MBNL1: variants seen among roughly 807,000 people sequenced by gnomAD.
The protein encoded by MBNL1 is muscleblind like splicing regulator 1.
A neutral mutation model predicts 42.2 loss-of-function variants in MBNL1; 8 were observed. The ratio of observed to expected loss-of-function variants is 0.19; its 90% CI spans 0.11 to 0.34. The LOEUF (loss-of-function observed/expected upper bound fraction) is 0.34. Ranked by LOEUF, MBNL1 falls within the 10% of genes least tolerant of loss-of-function variation. The pLI is 1.00. For synonymous variants in MBNL1, 169 were observed against 173.9 expected, an observed-to-expected ratio of 0.97 and a Z score of 0.22; for missense variants, 309 against 495.3, an observed-to-expected ratio of 0.62 and a Z score of 3.57.
chr3:152,269,349 G>C, intron 1 of MBNL1: 1 of 350,706 alleles, frequency 2.9e-6, no homozygotes, highest in South Asian at 2.1e-5. Flanking sequence ...CACAGCCCGC[G>C]CACGGCTTGG....
intron 2 of MBNL1, among the ~76,000 whole-genome samples, chr3:152,245,608 C>A (rs1395553734): frequency 6.6e-6 from 1 of 152,292 alleles, no homozygotes; most frequent in African/African-American, 2.4e-5. Flanking sequence ...ACTATCCCAT[C>A]AATTAATAGA....
At chr3:152,251,039 G>A (rs921159328) in intron 2 of MBNL1, among the ~76,000 whole-genome samples, 9 of 151,958 alleles carry the variant, frequency 5.9e-5, no homozygotes, top group South Asian at 2.1e-4. Context: ...TTCAATATAC[G>A]CAAATCAATA....
At chr3:152,257,068 A>G (rs926075418) in intron 2 of MBNL1, among the ~76,000 whole-genome samples, 2 of 152,164 alleles carry the variant, frequency 1.3e-5, no homozygotes, top group Non-Finnish European at 2.9e-5. Flanking sequence ...AATGCATTCT[A>G]TCTTATCATG....
intron 3 of MBNL1, among the ~76,000 whole-genome samples, chr3:152,422,953 T>C (rs1347701947): frequency 6.6e-6 from 1 of 152,200 alleles, no homozygotes; most frequent in Non-Finnish European, 1.5e-5. Flanking sequence ...AAGCAGTGTT[T>C]ACAGGGAAAT....
intron 2 of MBNL1, among the ~76,000 whole-genome samples, chr3:152,327,126 G>A (rs996619058): frequency 6.6e-6 from 1 of 151,772 alleles, no homozygotes; most frequent in Non-Finnish European, 1.5e-5. Context: ...TATTTGAATT[G>A]CTTCTCCTAA....
chr3:152,375,792 C>T (rs746635063), intron 2 of MBNL1, among the ~76,000 whole-genome samples: 20 of 150,246 alleles, frequency 1.3e-4, no homozygotes, highest in Admixed American at 6.0e-4. Context: ...ACACTCCAGC[C>T]GGGGTGATGG....
At chr3:152,311,273 C>T (rs915622749) in intron 2 of MBNL1, among the ~76,000 whole-genome samples, 1 of 152,102 alleles carries the variant, frequency 6.6e-6, no homozygotes, top group African/African-American at 2.4e-5. Context: ...TCCCAAAGTG[C>T]TGGGATTACA....
rs566532163 is a variant in MBNL1 at position 152,346,383 on chromosome 3, TCATACCTTTCA to T, written c.174+46021_174+46031del. ...TCGTTTATTTATATTCCTTAAATAT[TCATACCTTTCA>T]CATAAGTGAGATACATTATTTTTAA... On this transcript the variant is annotated intron_variant, in intron 2 of 9. Coordinates refer to ENST00000324210, the MANE Select transcript of MBNL1 (RefSeq NM_021038.5). Among the ~76,000 whole-genome samples, 32 of 152,270 alleles carry T rather than the reference TCATACCTTTCA, an allele frequency of 2.1e-4. No individual in the cohort carries two copies. In the South Asian group the frequency reaches 6.4e-3, roughly 31 times the overall value.
intron 2 of MBNL1, among the ~76,000 whole-genome samples, chr3:152,380,594 T>C (rs78479288): frequency 0.036 from 5,510 of 152,220 alleles, 135 homozygotes; most frequent in Non-Finnish European, 0.055. Context: ...CAGAGTATTT[T>C]GAGCTCAGAG....
intron 1 of MBNL1, among the ~76,000 whole-genome samples, chr3:152,275,967 A>G (rs773713502): frequency 2.0e-5 from 3 of 152,094 alleles, no homozygotes; most frequent in Non-Finnish European, 2.9e-5. Context: ...AATCTGTGAC[A>G]TTATAAAGGT....
At chr3:152,323,304 TATTC>T (rs1166782519) in intron 2 of MBNL1, among the ~76,000 whole-genome samples, 1 of 152,110 alleles carries the variant, frequency 6.6e-6, no homozygotes, top group African/African-American at 2.4e-5. Context: ...TAACTAGACT[TATTC>T]ATTCAACAAT....
intron 4 of MBNL1, among the ~76,000 whole-genome samples, chr3:152,443,856 T>C (rs1361231468): frequency 1.3e-5 from 2 of 152,196 alleles, no homozygotes; most frequent in African/African-American, 2.4e-5. Flanking sequence ...CACAAAACTT[T>C]AGCTAGGTTG....
rs1021708221 is a variant in MBNL1, at chr3:152,465,081, C to T, written c.*2715C>T. On this transcript the variant is annotated 3_prime_UTR_variant, in exon 10 of 10. Transcript: ENST00000324210. ...AAACCCTCATGACTGACAAAAACTC[C>T]ATGGGGCCAAATCTGCCTGAAGATC... is the stretch of plus-strand genomic sequence containing the variant. 1 of 152,498 alleles carries T rather than the reference C, an allele frequency of 6.6e-6. No individual in the cohort carries two copies. The allele number at this position is 152,498 out of a possible 1,614,324, so 9.4% of individuals were successfully genotyped here. A position where few individuals can be genotyped will look rare whatever the true frequency, so the allele number is the denominator to read the frequency against.
chr3:152,362,656 AAC>A (rs1273367733), intron 2 of MBNL1, among the ~76,000 whole-genome samples: 1 of 152,130 alleles, frequency 6.6e-6, no homozygotes, highest in Non-Finnish European at 1.5e-5. Context: ...ACCTGCTAGT[AAC>A]AGTTTTCCCC....
chr3:152,304,196 A>C (rs2061890602), intron 2 of MBNL1, among the ~76,000 whole-genome samples: 1 of 143,756 alleles, frequency 7.0e-6, no homozygotes, highest in Non-Finnish European at 1.6e-5. Flanking sequence ...AAAATCAGTA[A>C]GGCAAACAAG....
At chr3:152,282,127 A>G (rs2048861338) in intron 1 of MBNL1, among the ~76,000 whole-genome samples, 1 of 152,150 alleles carries the variant, frequency 6.6e-6, no homozygotes, top group Non-Finnish European at 1.5e-5. Flanking sequence ...TGAAATATTG[A>G]TACCATTTTG....
chr3:152,373,152 C>T (rs963121406), intron 2 of MBNL1, among the ~76,000 whole-genome samples: 1 of 152,092 alleles, frequency 6.6e-6, no homozygotes, highest in African/African-American at 2.4e-5. Context: ...TCTCCCCACA[C>T]CAAGCTTGAG....
chr3:152,268,921 C>T (rs2038176328), upstream of MBNL1: 1 of 456,106 alleles, frequency 2.2e-6, no homozygotes. Flanking sequence ...TGCACAGCGA[C>T]ATGCAACAGT....
At chr3:152,257,759 C>G (rs2149469885) in intron 2 of MBNL1, among the ~76,000 whole-genome samples, 1 of 152,208 alleles carries the variant, frequency 6.6e-6, no homozygotes, top group South Asian at 2.1e-4. Context: ...AAGAAGACAA[C>G]TAAATTTTCC....
Sources: allele counts gnomAD v4.1 joint callset (sites outside exome capture counted in the v4.1 genomes callset), GRCh38; gene constraint gnomAD v4.1.1; transcripts MANE v1.5; gene names NCBI Gene and HGNC (gene_info 2026-07-23, HGNC 2026-07-21).